The following DESI1 variants were observed in gnomAD, a reference collection of about 807,000 sequenced individuals.
DESI1 encodes the protein PPPDE peptidase domain containing 2.
In DESI1, 17 loss-of-function variants were observed where a neutral mutation model predicts 22.4. That is an observed-to-expected ratio of 0.76 (90% CI 0.52 to 1.14). The LOEUF (loss-of-function observed/expected upper bound fraction) is 1.14. Ranked by LOEUF, DESI1 falls within the 50% of genes most tolerant of loss-of-function variation. The pLI is 0.00. For synonymous variants in DESI1, 92 were observed against 84.2 expected, an observed-to-expected ratio of 1.09 and a Z score of -0.51; for missense variants, 177 against 208.9, an observed-to-expected ratio of 0.85 and a Z score of 0.94.
At chr22:41,609,035 G>A (rs760908438) in intron 1 of DESI1, among the ~76,000 whole-genome samples, 12 of 152,074 alleles carry the variant, frequency 7.9e-5, no homozygotes, top group Non-Finnish European at 1.3e-4. Flanking sequence ...TCTGCCCCCC[G>A]GGTTCAAGTG....
At chr22:41,617,992 A>G (rs1203194946) in intron 1 of DESI1, among the ~76,000 whole-genome samples, 3 of 152,064 alleles carry the variant, frequency 2.0e-5, no homozygotes, top group Non-Finnish European at 4.4e-5. Flanking sequence ...TTACTCCCTT[A>G]CTACCCTCCT....
In DESI1 at chr22:41,601,058, A is replaced by G. The variant is rs766556205; in HGVS notation, c.*39T>C. On this transcript the variant is annotated 3_prime_UTR_variant, in exon 6 of 6. Coordinates refer to ENST00000263256, the MANE Select transcript of DESI1 (RefSeq NM_015704.3). ...GTAGGGTTTGTTTTGTTTAAAAAGG[A>G]AAAGCCCTGGTGAGGCAGGGCGGTC... 6.4e-7 allele frequency: 1 copy of G among 1,563,900 alleles called. No individual in the cohort carries two copies. Among genetic ancestry groups the G allele is most frequent in the Non-Finnish European group, 8.8e-7 (1 of 1,139,534 alleles).
At position 41,599,233 on chromosome 22, in the gene DESI1, A is replaced by G. The variant is rs2067436629; in HGVS notation, c.*1864T>C. 6.6e-6 allele frequency: 1 copy of G among 152,210 alleles called. No homozygotes were observed. Among genetic ancestry groups the G allele is most frequent in the Non-Finnish European group, 1.5e-5 (1 of 68,038 alleles). The allele number at this position is 152,210 out of a possible 1,614,324, so 9.4% of individuals were successfully genotyped here. ...GTGAAGTGGCAAGAAGTTGTGGCAG[A>G]AGGGGCCCAAGGATGTCAGACCTGA... On this transcript the variant is annotated 3_prime_UTR_variant, in exon 6 of 6. Coordinates refer to ENST00000263256, the MANE Select transcript of DESI1 (RefSeq NM_015704.3).
At chr22:41,602,901 T>A (rs1025000079) in intron 5 of DESI1, 1 of 743,496 alleles carries the variant, frequency 1.3e-6, no homozygotes, top group African/African-American at 1.8e-5. Context: ...TCTGACCCCC[T>A]CTCTGCTTGT....
rs372740696 is a variant in DESI1, at chr22:41,620,785, C to T, written c.55G>A (p.Gly19Ser). Residue 19 changes from glycine (G) to serine (S), a missense_variant, in exon 1 of 6, where the codon GGC becomes AGC. Physicochemically the swap from Gly to Ser is moderately conservative, Grantham distance 56. Transcript: ENST00000263256. ...ATGGGGCTGAGCCGCCGGGCCAGGC[C>T]TTTGGACAGGTCGTACACGTAGAGC... The part of the protein sequence containing the change: ...VKLYVYDLSK[G>S]LARRLSPIML... 3.7e-6 allele frequency: 6 copies of T among 1,612,702 alleles called. No individual in the cohort carries two copies. Among genetic ancestry groups the T allele is most frequent in the Non-Finnish European group, 4.2e-6 (5 of 1,179,434 alleles).
chr22:41,601,517 G>A (rs542430579), intron 5 of DESI1, among the ~76,000 whole-genome samples: 15 of 152,192 alleles, frequency 9.9e-5, no homozygotes, highest in Non-Finnish European at 2.1e-4. Context: ...TGTGCTCTAT[G>A]TGCTTGTGTC....
In DESI1 at chr22:41,598,103, G is replaced by A. The variant is rs1401410403; in HGVS notation, c.*2994C>T. The A allele has an allele frequency of 6.6e-6, 1 of 152,186 alleles. No individual in the cohort carries two copies. The highest frequency in any genetic ancestry group is 1.9e-4 in the East Asian group (1 of 5,196). 9.4% of individuals were successfully genotyped at this position (152,186 alleles called of 1,614,324 possible). The stretch of plus-strand genomic sequence containing the variant: ...CCAGCAAACACCTCCGTACTAGACA[G>A]TTATTAGTTTGACTCAAGGGCATAA... On this transcript the variant is annotated 3_prime_UTR_variant, in exon 6 of 6. Coordinates refer to ENST00000263256, the MANE Select transcript of DESI1 (RefSeq NM_015704.3).
intron 1 of DESI1, among the ~76,000 whole-genome samples, chr22:41,616,520 A>G (rs1220816008): frequency 9.4e-6 from 1 of 106,542 alleles, no homozygotes; most frequent in African/African-American, 4.1e-5. Flanking sequence ...TCTTACCACA[A>G]TTAAAACACA....
chr22:41,616,385 T>C (rs1381427944), intron 1 of DESI1, among the ~76,000 whole-genome samples: 1 of 152,248 alleles, frequency 6.6e-6, no homozygotes, highest in African/African-American at 2.4e-5. Flanking sequence ...AAGCAATTTA[T>C]ATATTCTATG....
At chr22:41,614,415 A>G (rs2067537245) in intron 1 of DESI1, among the ~76,000 whole-genome samples, 1 of 151,848 alleles carries the variant, frequency 6.6e-6, no homozygotes, top group Non-Finnish European at 1.5e-5. Flanking sequence ...GAGTGAATTT[A>G]CATCCTTTCT....
At chr22:41,606,355 CAAA>C (rs57289024) in intron 3 of DESI1, among the ~76,000 whole-genome samples, 4 of 114,042 alleles carry the variant, frequency 3.5e-5, no homozygotes, top group Admixed American at 9.3e-5. Flanking sequence ...GACCCCGTCT[CAAA>C]AAAAAAAAAA....
intron 1 of DESI1, among the ~76,000 whole-genome samples, chr22:41,615,408 A>G (rs1174890691): frequency 2.0e-5 from 3 of 151,910 alleles, no homozygotes; most frequent in Non-Finnish European, 4.4e-5. Flanking sequence ...CTGGGCACAC[A>G]ACAAGACTCT....
Position 41,604,094 on chromosome 22 carries a change from T to G in DESI1, c.240A>C (p.Thr80=). The G allele has an allele frequency of 6.2e-7, 1 of 1,614,010 alleles. No homozygotes were observed. The highest frequency in any genetic ancestry group is 8.5e-7 in the Non-Finnish European group (1 of 1,180,006). The part of the protein sequence containing the change: ...SVVDVGSTEV[T]EEIFLEYLSS... ...AGAGGTACTCCAGAAAGATTTCTTC[T>G]GTGACTTCTGTACTCCCCACATCAA... Residue 80 remains threonine (T), a synonymous_variant, in exon 4 of 6, where the codon ACA becomes ACC. Transcript: ENST00000263256.
At chr22:41,608,827 A>C (rs1023246337) in intron 1 of DESI1, among the ~76,000 whole-genome samples, 4 of 152,202 alleles carry the variant, frequency 2.6e-5, no homozygotes, top group African/African-American at 9.7e-5. Flanking sequence ...GAGGCAGAGG[A>C]AGGGCATTGA....
intron 3 of DESI1, among the ~76,000 whole-genome samples, chr22:41,604,821 A>G (rs1256354395): frequency 6.6e-6 from 1 of 152,020 alleles, no homozygotes; most frequent in Non-Finnish European, 1.5e-5. Context: ...TGGGCTGCGT[A>G]TGGCCCACAG....
In DESI1 at chr22:41,620,751, C is replaced by G. The variant is rs747326671; in HGVS notation, c.88+1G>C. 1 of 1,608,416 alleles carries G rather than the reference C, an allele frequency of 6.2e-7. No homozygotes were observed. Among genetic ancestry groups the G allele is most frequent in the Non-Finnish European group, 8.5e-7 (1 of 1,177,592 alleles). On this transcript the variant is annotated splice_donor_variant, in intron 1 of 5. Transcript: ENST00000263256. LOFTEE classifies it high-confidence loss of function. ...TGCCCACCTGGCCCCTTCCCCCTCACCCAGCATGATGGGGCTGAGCCGCCG... is the reference window on the plus strand; with the variant it reads ...TGCCCACCTGGCCCCTTCCCCCTCAGCCAGCATGATGGGGCTGAGCCGCCG...
intron 1 of DESI1, 27 bp downstream of exon 1, chr22:41,620,725 C>T: frequency 6.3e-7 from 1 of 1,587,384 alleles, no homozygotes. Flanking sequence ...TCCCGCCCTC[C>T]TGCCCACCTG....
At chr22:41,604,255 T>G in intron 3 of DESI1, 102 bp from the exon 4 acceptor site, 1 of 786,676 alleles carries the variant, frequency 1.3e-6, no homozygotes, top group African/African-American at 2.0e-5. Flanking sequence ...TCTGACTTTT[T>G]TTTTTTTTTT....
chr22:41,602,501 C>T, intron 5 of DESI1: 1 of 985,462 alleles, frequency 1.0e-6, no homozygotes, highest in Non-Finnish European at 1.2e-6. Flanking sequence ...AACAGCCCAC[C>T]TTGCTGGGCC....
Sources: allele counts gnomAD v4.1 joint callset (sites outside exome capture counted in the v4.1 genomes callset), GRCh38; gene constraint gnomAD v4.1.1; transcripts MANE v1.5; gene names NCBI Gene and HGNC (gene_info 2026-07-23, HGNC 2026-07-21).